EHBP1: variants seen among roughly 807,000 people sequenced by gnomAD.
EHBP1 encodes the protein EH domain binding protein 1, also known as EH domain-binding protein 1.
EHBP1 carries 55 observed loss-of-function variants against 144.0 expected under a neutral mutation model. The ratio of observed to expected loss-of-function variants is 0.38; its 90% confidence interval spans 0.31 to 0.48. The LOEUF is 0.48. EHBP1 is among the 20% of genes least tolerant of loss of function. EHBP1 has a pLI of 0.98. For missense variants in EHBP1, 1,200 were observed against 1,364.2 expected (o/e 0.88, Z 1.90); for synonymous variants, 469 against 472.7 (o/e 0.99, Z 0.10).
intron 1 of EHBP1, among the ~76,000 whole-genome samples, chr2:62,700,062 A>G (rs144019812): frequency 1.3e-5 from 2 of 152,346 alleles, no homozygotes; most frequent in Non-Finnish European, 2.9e-5. Flanking sequence ...ACTGCAACAG[A>G]AACAATTTCA....
chr2:63,023,710 T>A (rs923575654), intron 19 of EHBP1, among the ~76,000 whole-genome samples: 1 of 152,208 alleles, frequency 6.6e-6, no homozygotes, highest in African/African-American at 2.4e-5. Context: ...TACTAGCATG[T>A]TGTCCTCCAC....
At chr2:62,974,762 T>C (rs1022795910) in intron 14 of EHBP1, among the ~76,000 whole-genome samples, 1 of 152,224 alleles carries the variant, frequency 6.6e-6, no homozygotes, top group Non-Finnish European at 1.5e-5. Flanking sequence ...CCAACATTAA[T>C]GCTGCTAGAT....
intron 4 of EHBP1, among the ~76,000 whole-genome samples, chr2:62,767,284 T>G (rs1357923243): frequency 6.6e-6 from 1 of 152,208 alleles, no homozygotes; most frequent in East Asian, 1.9e-4. Flanking sequence ...CTGGTTTATC[T>G]GTCTCTGATC....
At chr2:62,855,964 C>T (rs2049020483) in intron 7 of EHBP1, among the ~76,000 whole-genome samples, 2 of 152,186 alleles carry the variant, frequency 1.3e-5, no homozygotes, top group Non-Finnish European at 2.9e-5. Context: ...CAGAGAAGAG[C>T]TTCCCACTCC....
intron 3 of EHBP1, among the ~76,000 whole-genome samples, chr2:62,753,825 C>G (rs2039995244): frequency 6.6e-6 from 1 of 152,188 alleles, no homozygotes; most frequent in South Asian, 2.1e-4. Context: ...AGTTCTCATG[C>G]CATGGTTTTC....
intron 10 of EHBP1, among the ~76,000 whole-genome samples, chr2:62,912,193 C>T (rs966810051): frequency 1.3e-5 from 2 of 152,066 alleles, no homozygotes; most frequent in African/African-American, 4.8e-5. Context: ...ACATTAAATC[C>T]TATGTTGTTG....
chr2:63,029,954 C>T (rs998944253), intron 19 of EHBP1, among the ~76,000 whole-genome samples: 1 of 152,074 alleles, frequency 6.6e-6, no homozygotes, highest in African/African-American at 2.4e-5. Flanking sequence ...TGGTCTCAAA[C>T]TCCTGATCTC....
At chr2:62,783,016 G>T (rs937458795) in intron 5 of EHBP1, among the ~76,000 whole-genome samples, 1 of 152,068 alleles carries the variant, frequency 6.6e-6, no homozygotes, top group Non-Finnish European at 1.5e-5. Context: ...GTGGGCGTTG[G>T]GTAAATACAC....
chr2:62,889,775 A>G (rs980793683), intron 10 of EHBP1, among the ~76,000 whole-genome samples: 2 of 151,378 alleles, frequency 1.3e-5, no homozygotes, highest in African/African-American at 4.9e-5. Flanking sequence ...TTGTTTTTGT[A>G]TCTATTCTGT....
intron 10 of EHBP1, among the ~76,000 whole-genome samples, chr2:62,906,020 T>C (rs1184569772): frequency 1.3e-5 from 2 of 152,144 alleles, no homozygotes; most frequent in Non-Finnish European, 2.9e-5. Context: ...AAAAAAAACT[T>C]TCACTAAGGA....
intron 5 of EHBP1, among the ~76,000 whole-genome samples, chr2:62,800,612 A>G (rs2043910598): frequency 6.6e-6 from 1 of 152,198 alleles, no homozygotes; most frequent in African/African-American, 2.4e-5. Context: ...AGTGATTTAT[A>G]AATCTTAGGG....
chr2:62,750,461 A>T (rs1201351942), intron 3 of EHBP1, among the ~76,000 whole-genome samples: 1 of 152,232 alleles, frequency 6.6e-6, no homozygotes, highest in African/African-American at 2.4e-5. Context: ...TGTCTTGGCA[A>T]TGCAGGCTCT....
intron 7 of EHBP1, among the ~76,000 whole-genome samples, chr2:62,841,799 A>G (rs560679816): frequency 2.0e-5 from 3 of 151,338 alleles, no homozygotes; most frequent in South Asian, 2.1e-4. Context: ...GGCTATCTGG[A>G]GTATTTCCAG....
chr2:62,758,335 C>CT (rs1323873441), intron 3 of EHBP1, among the ~76,000 whole-genome samples: 1 of 152,144 alleles, frequency 6.6e-6, no homozygotes, highest in African/African-American at 2.4e-5. Flanking sequence ...TCTCAAACTC[C>CT]TGACCTCAGA....
chr2:63,025,516 G>A (rs189655764), intron 19 of EHBP1, among the ~76,000 whole-genome samples: 1 of 152,274 alleles, frequency 6.6e-6, no homozygotes, highest in East Asian at 1.9e-4. Context: ...TGTCACTTCG[G>A]CCATCCAAAG....
At chr2:62,747,343 A>C in intron 2 of EHBP1, 52 bp from the exon 3 acceptor site, 1 of 1,557,712 alleles carries the variant, frequency 6.4e-7, no homozygotes, top group Non-Finnish European at 8.8e-7. Context: ...CGCTAAAATG[A>C]AACTTTATTT....
intron 14 of EHBP1, among the ~76,000 whole-genome samples, chr2:62,956,475 A>G (rs575831558): frequency 3.3e-5 from 5 of 152,196 alleles, no homozygotes; most frequent in African/African-American, 7.2e-5. Flanking sequence ...GAAGTACCCT[A>G]TTGCTTATGA....
chr2:63,037,956 GTTTA>G (rs536958367), intron 20 of EHBP1, among the ~76,000 whole-genome samples: 10 of 152,122 alleles, frequency 6.6e-5, no homozygotes, highest in South Asian at 2.1e-4. Context: ...TAAAATTAAA[GTTTA>G]TTTAACAACA....
At position 63,007,009 on chromosome 2, in the gene EHBP1, T is replaced by C. The variant is rs116575036; in HGVS notation, c.3103+10243T>C. ...CAAACAGCTAGCCAGGCTGTAAGTA[T>C]ATTATCAGGCAAGTTCTTTCAGAAA... On this transcript the variant is annotated intron_variant, in intron 19 of 22. Transcript: ENST00000431489. 2.7e-3 allele frequency among the ~76,000 whole-genome samples: 410 copies of C among 151,978 alleles called. 3 individuals carry two copies. Among genetic ancestry groups the C allele is most frequent in the African/African-American group, 9.6e-3 (399 of 41,526 alleles).
Sources: gnomAD v4.1 joint callset for allele counts (sites outside exome capture counted in the v4.1 genomes callset) on GRCh38, gnomAD v4.1.1 for gene constraint, MANE v1.5 for transcripts, NCBI Gene and HGNC (gene_info 2026-07-23, HGNC 2026-07-21) for gene names.